THNSL1: variants seen among roughly 807,000 people sequenced by gnomAD.
The protein encoded by THNSL1 is threonine synthase like 1.
A neutral mutation model predicts 50.4 loss-of-function variants in THNSL1; 48 were observed. The ratio of observed to expected loss-of-function variants is 0.95; its 90% CI spans 0.76 to 1.21. The LOEUF is 1.21. Ranked by LOEUF, THNSL1 falls within the 50% of genes most tolerant of loss-of-function variation. The pLI is 0.00. For missense variants in THNSL1, 896 were observed against 871.7 expected (o/e 1.03, Z -0.35); for synonymous variants, 309 against 306.1 (o/e 1.01, Z -0.10).
At chr10:24,952,587 G>T in the THNSL1 span, 1 of 1,580,644 alleles carries the variant, frequency 6.3e-7, no homozygotes, top group South Asian at 1.2e-5. This position sits in a 1 kb window ranked among gnomAD's most constrained non-coding sequence, Gnocchi z 5.1. Context: ...TTTCTCCCGG[G>T]GAACGCGGGA....
the THNSL1 span, among the ~76,000 whole-genome samples, chr10:24,955,349 G>A: frequency 6.6e-6 from 1 of 152,186 alleles, no homozygotes; most frequent in East Asian, 1.9e-4. Context: ...CATATCACAT[G>A]TCTAGTGGAA....
At chr10:24,995,919 C>G in the THNSL1 span, 2 of 1,410,766 alleles carry the variant, frequency 1.4e-6, no homozygotes, top group Non-Finnish European at 1.9e-6. Flanking sequence ...AACACTGCTA[C>G]TCAGTGCTAT....
the THNSL1 span, among the ~76,000 whole-genome samples, chr10:24,963,636 T>C: frequency 1.1e-4 from 17 of 152,332 alleles, no homozygotes; most frequent in African/African-American, 3.8e-4. Context: ...TCTTTCCATA[T>C]TTTCTTTTTC....
chr10:24,953,090 C>A, the THNSL1 span, among the ~76,000 whole-genome samples: 1 of 152,032 alleles, frequency 6.6e-6, no homozygotes, highest in African/African-American at 2.4e-5. Context: ...CGTGAAAGAG[C>A]CTGTGAGCCA....
At chr10:25,015,808 C>T (rs1850555754), upstream of THNSL1, 1 of 1,498,740 alleles carries the variant, frequency 6.7e-7, no homozygotes, top group Non-Finnish European at 9.0e-7. Flanking sequence ...TTAATTAATA[C>T]TGAGTATTCC....
chr10:24,952,654 G>A, the THNSL1 span: 2 of 1,048,394 alleles, frequency 1.9e-6, no homozygotes, highest in African/African-American at 1.8e-5. This position sits in a 1 kb window ranked among gnomAD's most constrained non-coding sequence, Gnocchi z 5.1. Context: ...GGGATGGGAC[G>A]TGGGGATGGG....
At chr10:24,979,087 C>T in the THNSL1 span, among the ~76,000 whole-genome samples, 1 of 152,126 alleles carries the variant, frequency 6.6e-6, no homozygotes, top group Non-Finnish European at 1.5e-5. Context: ...AATAAATCAC[C>T]TGAGGTTTAC....
Position 25,025,587 on chromosome 10 carries a change from G to C in THNSL1, c.*132G>C, listed in dbSNP as rs910780774. On this transcript the variant is annotated 3_prime_UTR_variant, in exon 3 of 3. Coordinates refer to ENST00000376356, the MANE Select transcript of THNSL1 (RefSeq NM_024838.5). The stretch of plus-strand genomic sequence containing the variant: ...TATCTGTTTGGAATTTCAAAAGTCT[G>C]ATCTCTAGGGCTGACATGAGAACTC... 3.5e-6 allele frequency: 3 copies of C among 868,316 alleles called. No homozygotes were observed. The African/African-American group carries it at 5.2e-5, about 15-fold the overall frequency. The allele number at this position is 868,316 out of a possible 1,614,324, so 53.8% of individuals were successfully genotyped here.
chr10:24,990,487 A>T, the THNSL1 span: 1 of 1,613,252 alleles, frequency 6.2e-7, no homozygotes, highest in Non-Finnish European at 8.5e-7. Context: ...CCCTTTCTTC[A>T]TCGGAGAGCC....
chr10:24,963,019 AAAT>A, the THNSL1 span, among the ~76,000 whole-genome samples: 6,670 of 152,230 alleles, frequency 0.044, 380 homozygotes, highest in African/African-American at 0.13. Flanking sequence ...CTGAACCCAG[AAAT>A]AATAATTTCT....
chr10:24,988,280 A>G, the THNSL1 span, among the ~76,000 whole-genome samples: 1 of 145,328 alleles, frequency 6.9e-6, no homozygotes, highest in South Asian at 2.1e-4. Context: ...ATATATGTGT[A>G]TATATATTTA....
the THNSL1 span, among the ~76,000 whole-genome samples, chr10:25,006,791 C>A: frequency 6.6e-6 from 1 of 152,144 alleles, no homozygotes; most frequent in Non-Finnish European, 1.5e-5. Flanking sequence ...AAGAACTGTG[C>A]AAACCAATTA....
chr10:24,968,460 C>T, the THNSL1 span, among the ~76,000 whole-genome samples: 1 of 152,116 alleles, frequency 6.6e-6, no homozygotes, highest in Non-Finnish European at 1.5e-5. Context: ...CCTTGCTCAT[C>T]CAGGAGCTAA....
chr10:24,973,125 C>T, the THNSL1 span, among the ~76,000 whole-genome samples: 1 of 152,018 alleles, frequency 6.6e-6, no homozygotes, highest in East Asian at 1.9e-4. Context: ...TTTTTCTTTC[C>T]TTATTAAGTC....
chr10:24,977,545 A>G, the THNSL1 span, among the ~76,000 whole-genome samples: 1 of 152,236 alleles, frequency 6.6e-6, no homozygotes, highest in Non-Finnish European at 1.5e-5. Flanking sequence ...ATGTCCATCA[A>G]TAGGGTACTG....
At chr10:24,961,037 T>C in the THNSL1 span, among the ~76,000 whole-genome samples, 9 of 152,366 alleles carry the variant, frequency 5.9e-5, no homozygotes, top group Admixed American at 5.9e-4. Flanking sequence ...TAAAAGACAG[T>C]GCAAAGGTAT....
chr10:25,015,964 C>T (rs766010381), upstream of THNSL1: 12 of 1,592,016 alleles, frequency 7.5e-6, no homozygotes, highest in South Asian at 1.2e-4. Flanking sequence ...TTAAAAGCTA[C>T]TCTCCACAAC....
At chr10:24,961,326 A>T in the THNSL1 span, among the ~76,000 whole-genome samples, 9 of 152,218 alleles carry the variant, frequency 5.9e-5, no homozygotes, top group Non-Finnish European at 1.2e-4. Context: ...GCCATCACTT[A>T]TTTAACCATT....
the THNSL1 span, among the ~76,000 whole-genome samples, chr10:24,967,571 A>G: frequency 0.021 from 3,137 of 152,178 alleles, 105 homozygotes; most frequent in African/African-American, 0.072. Context: ...GAGACTTTTC[A>G]TCAGTCTCGC....
Sources: allele counts gnomAD v4.1 joint callset (sites outside exome capture counted in the v4.1 genomes callset), GRCh38; gene constraint gnomAD v4.1.1; non-coding constraint Gnocchi (gnomAD v3.1); transcripts MANE v1.5; gene names NCBI Gene and HGNC (gene_info 2026-07-23, HGNC 2026-07-21).